Variants in TET3 observed in about 807,000 individuals in gnomAD.
The protein encoded by TET3 is tet methylcytosine dioxygenase 3.
Under a neutral mutation model 141.4 loss-of-function variants are expected in TET3, and 19 were observed. The observed-to-expected ratio is 0.13, with a 90% CI of 0.09 to 0.20. The LOEUF is 0.20. Among genes scored for constraint, TET3 ranks in the 10% least tolerant of loss-of-function variants. TET3 has a pLI of 1.00. For missense variants in TET3, 1,874 were observed against 2,356.9 expected (o/e 0.80, Z 4.24); for synonymous variants, 1,043 against 980.9 (o/e 1.06, Z -1.18).
chr2:73,999,006 A>G (rs896170728), intron 2 of TET3, among the ~76,000 whole-genome samples: 8 of 152,186 alleles, frequency 5.3e-5, no homozygotes, highest in African/African-American at 1.9e-4. Flanking sequence ...GAGAAATGTT[A>G]GAAGCGCCGT....
intron 2 of TET3, 102 bp from the exon 3 acceptor site, chr2:74,003,008 T>C (rs1684945493): frequency 8.6e-6 from 11 of 1,274,646 alleles, no homozygotes; most frequent in Non-Finnish European, 1.2e-5. Context: ...CCCCTCCCGT[T>C]CGCCTTCTTC....
At chr2:74,040,678 G>A (rs185098961) in intron 3 of TET3, among the ~76,000 whole-genome samples, 2 of 152,176 alleles carry the variant, frequency 1.3e-5, no homozygotes, top group East Asian at 1.9e-4. Context: ...TTGGGAGGCC[G>A]GGGCAGGAAA....
chr2:74,116,166 T>C, the TET3 span, among the ~76,000 whole-genome samples: 1,791 of 152,184 alleles, frequency 0.012, 14 homozygotes, highest in Non-Finnish European at 0.02. Flanking sequence ...CACTGAGATA[T>C]CATGTCATCT....
At chr2:74,027,870 G>T (rs1686459902) in intron 3 of TET3, among the ~76,000 whole-genome samples, 1 of 152,064 alleles carries the variant, frequency 6.6e-6, no homozygotes, top group Non-Finnish European at 1.5e-5. Flanking sequence ...TAAAATTGGG[G>T]TTTTTTGGTT....
chr2:74,067,612 C>G (rs1688979269), intron 4 of TET3, among the ~76,000 whole-genome samples: 1 of 152,180 alleles, frequency 6.6e-6, no homozygotes, highest in Non-Finnish European at 1.5e-5. Flanking sequence ...ACAAGATGCT[C>G]TAGAAGTCCA....
At chr2:74,050,482 C>T (rs1165002559) in intron 4 of TET3, among the ~76,000 whole-genome samples, 1 of 152,108 alleles carries the variant, frequency 6.6e-6, no homozygotes, top group African/African-American at 2.4e-5. Context: ...ATATTAATTA[C>T]CTAGCCATGT....
intron 3 of TET3, among the ~76,000 whole-genome samples, chr2:74,041,130 T>A (rs1687315839): frequency 6.6e-6 from 1 of 152,264 alleles, no homozygotes; most frequent in East Asian, 1.9e-4. Context: ...CCTCTGGTTG[T>A]TAGGGGGACT....
chr2:74,029,502 A>G (rs985473156), intron 3 of TET3, among the ~76,000 whole-genome samples: 14 of 152,242 alleles, frequency 9.2e-5, no homozygotes, highest in Admixed American at 6.5e-4. Flanking sequence ...TTAACAATAT[A>G]GGAAAATGTT....
chr2:74,052,272 G>A (rs1033569279), intron 4 of TET3, among the ~76,000 whole-genome samples: 7 of 152,140 alleles, frequency 4.6e-5, no homozygotes, highest in African/African-American at 1.7e-4. Context: ...AAGCCACCAC[G>A]CCTGAACAGG....
chr2:74,126,484 A>G, the TET3 span, among the ~76,000 whole-genome samples: 1 of 147,306 alleles, frequency 6.8e-6, no homozygotes, highest in Admixed American at 7.0e-5. Flanking sequence ...TTAGGCCTAA[A>G]TTTTATATTT....
intron 4 of TET3, among the ~76,000 whole-genome samples, chr2:74,068,524 T>C (rs1001463985): frequency 5.3e-5 from 8 of 152,242 alleles, no homozygotes; most frequent in African/African-American, 1.9e-4. Flanking sequence ...TTAGGTTATT[T>C]CTGATATTTT....
At chr2:73,992,874 G>C (rs1684405132) in intron 2 of TET3, among the ~76,000 whole-genome samples, 1 of 152,196 alleles carries the variant, frequency 6.6e-6, no homozygotes, top group South Asian at 2.1e-4. Context: ...CTTTGAGGGT[G>C]CTTGTGGTTC....
At chr2:74,115,384 T>C in the TET3 span, among the ~76,000 whole-genome samples, 1 of 152,006 alleles carries the variant, frequency 6.6e-6, no homozygotes, top group Non-Finnish European at 1.5e-5. Flanking sequence ...TAAAAAGGAA[T>C]ATAGAGAGGT....
In TET3 at chr2:74,100,826, C is replaced by T; in HGVS notation, c.4038C>T (p.Pro1346=). Reference sequence around the variant, plus strand: ...CCGAGCTGCCCAGCCAGGCTGTTCCCACAGACGCCCACCACCCCACTCCTC... The same window carrying T: ...CCGAGCTGCCCAGCCAGGCTGTTCCTACAGACGCCCACCACCCCACTCCTC... ...EFAELPSQAV[P]TDAHHPTPHH... is the part of the protein sequence containing the mutation. The change falls in exon 12 of 12, where the codon CCC becomes CCT. Residue 1346 remains proline (P), a synonymous_variant. Coordinates refer to ENST00000409262, the MANE Select transcript of TET3 (RefSeq NM_001287491.2). 6.2e-7 allele frequency: 1 copy of T among 1,612,306 alleles called. No individual in the cohort carries two copies. Among genetic ancestry groups the T allele is most frequent in the South Asian group, 1.1e-5 (1 of 90,720 alleles).
Position 74,100,463 on chromosome 2 carries a change from C to A in TET3, c.3675C>A (p.His1225Gln). Residue 1225 changes from histidine to glutamine, a missense_variant, in exon 12 of 12, where the codon CAC becomes CAA. Around this residue, in one of 10 missense-constraint regions of TET3, gnomAD observed 602 missense variants for 590.2 expected, o/e 1.02. Transcript: ENST00000409262. ...CCCTCAAGGTGGAGCCGCAGAACCA[C>A]TTCAGCTCCTTCAAGTACAGCGGCA... ...KPSLKVEPQNHFSSFKYSGNA... is the reference protein window; with the variant it reads ...KPSLKVEPQNQFSSFKYSGNA... The A allele has an allele frequency of 6.3e-7, 1 of 1,589,002 alleles. No homozygotes were observed. The highest frequency in any genetic ancestry group is 8.6e-7 in the Non-Finnish European group (1 of 1,167,882).
chr2:74,085,228 T>C (rs74528797), intron 6 of TET3, among the ~76,000 whole-genome samples: 1 of 152,236 alleles, frequency 6.6e-6, no homozygotes, highest in East Asian at 1.9e-4. Context: ...TCCGTTTTTT[T>C]CTTCAAAATT....
At chr2:74,022,094 C>CTTTTTTTTTTTTTTTTTTTTTTTTTT (rs34529157) in intron 3 of TET3, among the ~76,000 whole-genome samples, 2 of 82,768 alleles carry the variant, frequency 2.4e-5, no homozygotes, top group Admixed American at 1.4e-4. Flanking sequence ...TTCTAGGACA[C>CTTTTTTTTTTTTTTTTTTTTTTTTTT]TTTTTTTTTT....
At chr2:74,133,012 C>T in the TET3 span, among the ~76,000 whole-genome samples, 5 of 151,992 alleles carry the variant, frequency 3.3e-5, no homozygotes, top group Non-Finnish European at 7.4e-5. Context: ...ATTCTCCTGC[C>T]TCAGCCTCCC....
At position 73,986,196 on chromosome 2, in the gene TET3, G is replaced by A; in HGVS notation, c.-208G>A. On this transcript the variant is annotated 5_prime_UTR_variant, in exon 2 of 12. Coordinates refer to ENST00000409262, the MANE Select transcript of TET3 (RefSeq NM_001287491.2). The stretch of plus-strand genomic sequence containing the variant: ...CTGGGCCCCAGCAGGTGGGAGAGTG[G>A]CCCCCTACGGAGTCCGATCAGACTG... 1 of 397,060 alleles carries A rather than the reference G, an allele frequency of 2.5e-6. No individual in the cohort carries two copies. The highest frequency in any genetic ancestry group is 4.4e-6 in the Non-Finnish European group (1 of 229,742). 24.6% of individuals were successfully genotyped at this position (397,060 alleles called of 1,614,324 possible). A position where few individuals can be genotyped will look rare whatever the true frequency, so the allele number is the denominator to read the frequency against.
Sources: allele counts gnomAD v4.1 joint callset (sites outside exome capture counted in the v4.1 genomes callset), GRCh38; gene constraint gnomAD v4.1.1; regional missense constraint gnomAD v4.1.1; transcripts MANE v1.5; gene names NCBI Gene and HGNC (gene_info 2026-07-23, HGNC 2026-07-21).